PTPRK: variants seen among roughly 807,000 people sequenced by gnomAD.
The protein encoded by PTPRK is receptor-type tyrosine-protein phosphatase kappa.
PTPRK carries 75 observed loss-of-function variants against 178.0 expected under a neutral mutation model. The ratio of observed to expected loss-of-function variants is 0.42; its 90% CI spans 0.35 to 0.51. The LOEUF (loss-of-function observed/expected upper bound fraction) is 0.51. Among genes scored for constraint, PTPRK ranks in the 20% least tolerant of loss-of-function variants. The pLI, the probability that PTPRK is intolerant of heterozygous loss-of-function variation, is 0.02. For synonymous variants in PTPRK, 637 were observed against 620.6 expected, an observed-to-expected ratio of 1.03 and a Z score of -0.39; for missense variants, 1,441 against 1,797.8, an observed-to-expected ratio of 0.80 and a Z score of 3.59.
intron 6 of PTPRK, among the ~76,000 whole-genome samples, chr6:128,207,018 A>G (rs1562790625): frequency 6.6e-6 from 1 of 152,182 alleles, no homozygotes; most frequent in East Asian, 1.9e-4. Context: ...GCTGCCAAAA[A>G]TCTGGGTTGC....
chr6:128,357,046 G>A (rs1358363240), intron 2 of PTPRK, among the ~76,000 whole-genome samples: 3 of 152,152 alleles, frequency 2.0e-5, no homozygotes, highest in Admixed American at 6.5e-5. Context: ...GCCTAAGAGA[G>A]GTAGAAAAGA....
intron 2 of PTPRK, among the ~76,000 whole-genome samples, chr6:128,372,557 T>C (rs184722343): frequency 6.6e-6 from 1 of 152,044 alleles, no homozygotes; most frequent in Non-Finnish European, 1.5e-5. Context: ...TTCCAAAGAG[T>C]TGAAAAGCAG....
intron 7 of PTPRK, among the ~76,000 whole-genome samples, chr6:128,121,439 T>C (rs1292672429): frequency 6.6e-6 from 1 of 152,092 alleles, no homozygotes; most frequent in Non-Finnish European, 1.5e-5. Flanking sequence ...TGTGTGTGTG[T>C]GTGTGAGGCT....
intron 3 of PTPRK, among the ~76,000 whole-genome samples, chr6:128,243,488 T>TAAAAAAAAAA (rs760606919): frequency 2.2e-3 from 131 of 58,810 alleles, no homozygotes; most frequent in Non-Finnish European, 3.2e-3. Flanking sequence ...AGCCTGTCGC[T>TAAAAAAAAAA]AAAAAAAAAA....
chr6:128,057,843 A>T (rs1385793045), intron 13 of PTPRK, among the ~76,000 whole-genome samples: 1 of 152,184 alleles, frequency 6.6e-6, no homozygotes, highest in Non-Finnish European at 1.5e-5. Context: ...ATAATATTTA[A>T]ATCATAATAC....
At chr6:127,979,364 C>T (rs1315089048) in intron 25 of PTPRK, among the ~76,000 whole-genome samples, 1 of 152,230 alleles carries the variant, frequency 6.6e-6, no homozygotes, top group African/African-American at 2.4e-5. Flanking sequence ...AATTCAAAGG[C>T]ATCAATGCTT....
At chr6:128,366,130 T>C (rs920984563) in intron 2 of PTPRK, among the ~76,000 whole-genome samples, 56 of 152,122 alleles carry the variant, frequency 3.7e-4, no homozygotes, top group African/African-American at 1.2e-3. Flanking sequence ...ACAAAGAAGC[T>C]CAAGGTAAGC....
At position 127,970,290 on chromosome 6, in the gene PTPRK, G is replaced by A. The variant is rs770438413; in HGVS notation, c.4270-10C>T. Reference sequence around the variant, plus strand: ...AGAAACGGTATTGCTCCTGAAAGATGTCAAAACACAAAGAGTGAGAAAACT... The same window carrying A: ...AGAAACGGTATTGCTCCTGAAAGATATCAAAACACAAAGAGTGAGAAAACT... On this transcript the variant is annotated splice_polypyrimidine_tract_variant and intron_variant, in intron 29 of 29. Transcript: ENST00000368226. 2.5e-6 allele frequency: 4 copies of A among 1,607,440 alleles called. No homozygotes were observed. Among genetic ancestry groups the A allele is most frequent in the Admixed American group, 3.4e-5 (2 of 59,456 alleles).
chr6:128,464,634 T>C (rs544049784), intron 1 of PTPRK, among the ~76,000 whole-genome samples: 1,358 of 40,870 alleles, frequency 0.033, 29 homozygotes, highest in Middle Eastern at 0.064. Context: ...TATATATATA[T>C]ACACATATAT....
At chr6:127,971,229 T>C (rs1231809345) in intron 29 of PTPRK, among the ~76,000 whole-genome samples, 2 of 152,192 alleles carry the variant, frequency 1.3e-5, no homozygotes, top group Non-Finnish European at 2.9e-5. Flanking sequence ...TTAGAAAAAT[T>C]CAGAGACCAT....
intron 12 of PTPRK, among the ~76,000 whole-genome samples, chr6:128,065,696 TTAAAA>T (rs1270552723): frequency 3.3e-5 from 5 of 152,176 alleles, no homozygotes; most frequent in African/African-American, 1.2e-4. Context: ...TATTTTTAAA[TTAAAA>T]TAAAGCAGTG....
chr6:128,238,039 G>A (rs1813631340), intron 5 of PTPRK: 1 of 452,552 alleles, frequency 2.2e-6, no homozygotes, highest in Non-Finnish European at 4.4e-6. Context: ...AAGTGAATAA[G>A]TTAAGGTAAT....
chr6:128,079,945 A>C (rs747472900), intron 10 of PTPRK, among the ~76,000 whole-genome samples: 11 of 150,908 alleles, frequency 7.3e-5, no homozygotes, highest in Non-Finnish European at 1.6e-4. Flanking sequence ...TTTCTGATTC[A>C]GTATTTCTGG....
chr6:128,240,004 C>G (rs1212200421), intron 5 of PTPRK, 31 bp downstream of exon 5: 1 of 1,513,114 alleles, frequency 6.6e-7, no homozygotes, highest in Admixed American at 1.7e-5. Context: ...ATAAAGTATA[C>G]TCTTTAGCTC....
At chr6:128,427,705 A>G (rs1339084633) in intron 1 of PTPRK, among the ~76,000 whole-genome samples, 1 of 152,142 alleles carries the variant, frequency 6.6e-6, no homozygotes, top group Non-Finnish European at 1.5e-5. Context: ...TGACTGCCAC[A>G]CCAGAAGTAG....
At chr6:128,109,915 G>GC (rs1289362932) in intron 7 of PTPRK, among the ~76,000 whole-genome samples, 1 of 151,870 alleles carries the variant, frequency 6.6e-6, no homozygotes, top group Non-Finnish European at 1.5e-5. Context: ...TTTTGGGGGG[G>GC]GAGGAGGAGA....
At chr6:128,073,611 T>C (rs550378049) in intron 11 of PTPRK, among the ~76,000 whole-genome samples, 1 of 152,124 alleles carries the variant, frequency 6.6e-6, no homozygotes, top group African/African-American at 2.4e-5. Flanking sequence ...CCAGAGTTGC[T>C]AAGCTAAGAC....
chr6:128,061,395 G>A (rs1463816615), intron 13 of PTPRK, among the ~76,000 whole-genome samples: 1 of 152,162 alleles, frequency 6.6e-6, no homozygotes, highest in East Asian at 1.9e-4. Context: ...AGGACACACT[G>A]CAAACTGGAA....
intron 7 of PTPRK, among the ~76,000 whole-genome samples, chr6:128,097,563 C>A (rs973819763): frequency 6.6e-6 from 1 of 152,066 alleles, no homozygotes; most frequent in African/African-American, 2.4e-5. Flanking sequence ...AGACCTAATT[C>A]CCAAAATGAC....
Sources: allele counts gnomAD v4.1 joint callset (sites outside exome capture counted in the v4.1 genomes callset), GRCh38; gene constraint gnomAD v4.1.1; transcripts MANE v1.5; gene names NCBI Gene and HGNC (gene_info 2026-07-23, HGNC 2026-07-21).